NRCAM: variants seen among roughly 807,000 people sequenced by gnomAD.
NRCAM encodes NgCAM-related cell adhesion molecule.
Under a neutral mutation model 156.5 loss-of-function variants are expected in NRCAM, and 83 were observed. The observed-to-expected ratio is 0.53, with a 90% CI of 0.44 to 0.64. NRCAM has a LOEUF of 0.64. Ranked by LOEUF, NRCAM falls within the 30% of genes least tolerant of loss-of-function variation. The pLI, the probability that NRCAM is intolerant of heterozygous loss-of-function variation, is 0.00. For synonymous variants in NRCAM, 538 were observed against 563.9 expected (o/e 0.95, Z 0.65); for missense variants, 1,417 against 1,597.3 (o/e 0.89, Z 1.92).
chr7:108,187,395 T>A (rs1280751540), intron 20 of NRCAM, among the ~76,000 whole-genome samples: 1 of 152,184 alleles, frequency 6.6e-6, no homozygotes, highest in African/African-American at 2.4e-5. Context: ...TCTTTTCCTT[T>A]GCTCTTGCTG....
chr7:108,306,184 T>A (rs2098712322), intron 3 of NRCAM, among the ~76,000 whole-genome samples: 1 of 152,208 alleles, frequency 6.6e-6, no homozygotes, highest in Non-Finnish European at 1.5e-5. Flanking sequence ...ATTGAAGTCT[T>A]ATTCTTAAAA....
chr7:108,432,843 C>T (rs1188386098), intron 1 of NRCAM, among the ~76,000 whole-genome samples: 1 of 150,752 alleles, frequency 6.6e-6, no homozygotes, highest in Non-Finnish European at 1.5e-5. Context: ...CAGAGGTTGC[C>T]GTAAGCACCA....
At chr7:108,347,194 T>C (rs1467602064) in intron 2 of NRCAM, among the ~76,000 whole-genome samples, 1 of 151,918 alleles carries the variant, frequency 6.6e-6, no homozygotes, top group Non-Finnish European at 1.5e-5. Flanking sequence ...CCTGCCACCA[T>C]GCCTGGCTAA....
chr7:108,432,540 G>A (rs1826597787), intron 1 of NRCAM, among the ~76,000 whole-genome samples: 1 of 152,200 alleles, frequency 6.6e-6, no homozygotes, highest in South Asian at 2.1e-4. Flanking sequence ...AGTATTTAGT[G>A]TGCACACTGA....
chr7:108,313,181 A>T (rs948699391), intron 2 of NRCAM: 2 of 152,156 alleles, frequency 1.3e-5, no homozygotes, highest in South Asian at 4.1e-4. Flanking sequence ...GGGAACAACC[A>T]AGATTTGAGG....
chr7:108,334,874 G>A (rs1274624182), intron 2 of NRCAM, among the ~76,000 whole-genome samples: 1 of 152,176 alleles, frequency 6.6e-6, no homozygotes, highest in Non-Finnish European at 1.5e-5. Flanking sequence ...TTTTAGATAA[G>A]ATGAGAAATG....
intron 2 of NRCAM, among the ~76,000 whole-genome samples, chr7:108,366,393 A>T (rs1021107037): frequency 2.6e-5 from 4 of 152,236 alleles, no homozygotes; most frequent in Non-Finnish European, 5.9e-5. Flanking sequence ...AGTCTTATGA[A>T]ATGATATATT....
chr7:108,391,346 T>C (rs902642027), intron 2 of NRCAM, among the ~76,000 whole-genome samples: 2 of 152,190 alleles, frequency 1.3e-5, no homozygotes, highest in Admixed American at 1.3e-4. Context: ...TTGGTCTCTT[T>C]TGATCTGTGT....
In NRCAM at chr7:108,184,150, T is replaced by C. The variant is rs578098628; in HGVS notation, c.2304+91A>G. 4.5e-5 allele frequency: 38 copies of C among 847,228 alleles called. No individual in the cohort carries two copies. In the South Asian group the frequency reaches 6.1e-4, roughly 14 times the overall value. The allele number at this position is 847,228 out of a possible 1,614,324, so 52.5% of individuals were successfully genotyped here. On this transcript the variant is annotated intron_variant, in intron 22 of 32. Coordinates refer to ENST00000379028, the MANE Select transcript of NRCAM (RefSeq NM_001037132.4). ...TATATTTTTTTTCCCCAGAAATAGG[T>C]GAAATGAGATTCTAATGTAGATATT...
intron 1 of NRCAM, among the ~76,000 whole-genome samples, chr7:108,443,709 A>G (rs1474890863): frequency 6.6e-6 from 1 of 152,210 alleles, no homozygotes; most frequent in Non-Finnish European, 1.5e-5. Context: ...GCTGATTATA[A>G]TCGAAAAAGG....
chr7:108,186,477 G>A (rs756306757), intron 20 of NRCAM, among the ~76,000 whole-genome samples: 6 of 152,062 alleles, frequency 3.9e-5, no homozygotes, highest in Non-Finnish European at 7.4e-5. Context: ...TAGTACAATG[G>A]CCTGTACCAT....
intron 1 of NRCAM, among the ~76,000 whole-genome samples, chr7:108,439,138 T>C (rs1835608701): frequency 6.6e-6 from 1 of 152,162 alleles, no homozygotes; most frequent in African/African-American, 2.4e-5. Flanking sequence ...TGGAAAACTC[T>C]TAAGAGAAAA....
intron 2 of NRCAM, among the ~76,000 whole-genome samples, chr7:108,353,016 AT>A (rs1274471978): frequency 6.6e-6 from 1 of 151,024 alleles, no homozygotes; most frequent in Non-Finnish European, 1.5e-5. Flanking sequence ...CCACACATGT[AT>A]TTTTTTAAAT....
At position 108,189,604 on chromosome 7, in the gene NRCAM, C is replaced by T. The variant is rs867942414; in HGVS notation, c.2035+41G>A. 1.3e-5 allele frequency: 11 copies of T among 822,148 alleles called. No homozygotes were observed. In the Middle Eastern group the frequency reaches 8.8e-4, roughly 66 times the overall value. The allele number at this position is 822,148 out of a possible 1,614,324, so 50.9% of individuals were successfully genotyped here. On this transcript the variant is annotated intron_variant, in intron 20 of 32. Coordinates refer to ENST00000379028, the MANE Select transcript of NRCAM (RefSeq NM_001037132.4). ...CTGTTACAAAGTGCTTCAAACATGGCCATTTAGTTGATCGGAAATAGAGCA... is the reference window on the plus strand; with the variant it reads ...CTGTTACAAAGTGCTTCAAACATGGTCATTTAGTTGATCGGAAATAGAGCA...
intron 3 of NRCAM, among the ~76,000 whole-genome samples, chr7:108,299,134 G>A (rs1448667883): frequency 8.2e-5 from 7 of 85,538 alleles, no homozygotes; most frequent in African/African-American, 1.8e-4. Context: ...AAGAAAGAAA[G>A]AAAGAAAAGA....
intron 2 of NRCAM, among the ~76,000 whole-genome samples, chr7:108,319,580 A>AAATAATCAC (rs1337150736): frequency 6.6e-6 from 1 of 152,240 alleles, no homozygotes; most frequent in African/African-American, 2.4e-5. Flanking sequence ...GATATTGAAC[A>AAATAATCAC]AATAATCACA....
chr7:108,393,869 C>A (rs2099769358), intron 2 of NRCAM, among the ~76,000 whole-genome samples: 1 of 152,158 alleles, frequency 6.6e-6, no homozygotes, highest in Non-Finnish European at 1.5e-5. Flanking sequence ...TCACATGGCC[C>A]ACGTATGGTG....
At chr7:108,235,612 A>T (rs1419147726) in intron 5 of NRCAM, among the ~76,000 whole-genome samples, 1 of 152,044 alleles carries the variant, frequency 6.6e-6, no homozygotes, top group Non-Finnish European at 1.5e-5. Context: ...TGCTTGCACA[A>T]CTCCATGGAG....
chr7:108,291,834 C>T (rs1007424759), intron 3 of NRCAM, among the ~76,000 whole-genome samples: 7 of 152,062 alleles, frequency 4.6e-5, no homozygotes, highest in Admixed American at 1.3e-4. Context: ...TCTAAATGGC[C>T]GTAATTTTCT....
Sources: allele counts gnomAD v4.1 joint callset (sites outside exome capture counted in the v4.1 genomes callset), GRCh38; gene constraint gnomAD v4.1.1; transcripts MANE v1.5; gene names NCBI Gene and HGNC (gene_info 2026-07-23, HGNC 2026-07-21).